BCLAF1: variants seen among roughly 807,000 people sequenced by gnomAD.
BCLAF1 encodes bcl-2-associated transcription factor 1.
BCLAF1 carries 10 observed loss-of-function variants against 99.5 expected under a neutral mutation model. The observed-to-expected ratio is 0.10, with a 90% confidence interval of 0.06 to 0.17. BCLAF1 has a LOEUF of 0.17. Ranked by LOEUF, BCLAF1 falls within the 10% of genes least tolerant of loss-of-function variation. The pLI, the probability that BCLAF1 is intolerant of heterozygous loss-of-function variation, is 1.00. For synonymous variants in BCLAF1, 255 were observed against 370.9 expected (o/e 0.69, Z 3.59); for missense variants, 636 against 1,105.8 (o/e 0.58, Z 6.02).
At chr6:136,275,374 T>A (rs867948479) in intron 6 of BCLAF1, among the ~76,000 whole-genome samples, 158 bp downstream of exon 6, 5 of 152,180 alleles carry the variant, frequency 3.3e-5, no homozygotes, top group Admixed American at 6.6e-5. Flanking sequence ...CTAGCAAGAC[T>A]AGGGACTCTC....
At chr6:136,271,742 C>A (rs994021330) in intron 8 of BCLAF1, among the ~76,000 whole-genome samples, 1 of 151,672 alleles carries the variant, frequency 6.6e-6, no homozygotes, top group African/African-American at 2.4e-5. Flanking sequence ...TGATTCTTTA[C>A]ACTTTTCTTA....
intron 8 of BCLAF1, among the ~76,000 whole-genome samples, chr6:136,270,892 A>T (rs2128474517): frequency 6.6e-6 from 1 of 151,946 alleles, no homozygotes; most frequent in East Asian, 1.9e-4. Flanking sequence ...AACCCAAGAT[A>T]TTATTTAAGT....
intron 4 of BCLAF1, among the ~76,000 whole-genome samples, chr6:136,277,635 T>C (rs2128482318): frequency 6.6e-6 from 1 of 152,256 alleles, no homozygotes; most frequent in African/African-American, 2.4e-5. Flanking sequence ...CAAGAGATCC[T>C]CCCGCCTCAG....
rs1470236845 is a variant in BCLAF1, at chr6:136,260,103, TA to T, written c.*1006del. On this transcript the variant is annotated 3_prime_UTR_variant, in exon 13 of 13. Coordinates refer to ENST00000531224, the MANE Select transcript of BCLAF1 (RefSeq NM_014739.3). ...AAAAACAATTTTTTTAAAATACTATTAATGAACAGTATGCTGTGTTTCTCTA... is the reference window on the plus strand; with the variant it reads ...AAAAACAATTTTTTTAAAATACTATTATGAACAGTATGCTGTGTTTCTCTA... 5 of 152,054 alleles carry T rather than the reference TA, an allele frequency of 3.3e-5. No homozygotes were observed. The highest frequency in any genetic ancestry group is 5.9e-5 in the Non-Finnish European group (4 of 67,920). The allele number at this position is 152,054 out of a possible 1,614,324, so 9.4% of individuals were successfully genotyped here.
At chr6:136,287,812 C>T (rs1460060873) in intron 1 of BCLAF1, among the ~76,000 whole-genome samples, 1 of 152,208 alleles carries the variant, frequency 6.6e-6, no homozygotes, top group Non-Finnish European at 1.5e-5. Context: ...AGTGGATCAC[C>T]TGAGGTCAGG....
intron 10 of BCLAF1, among the ~76,000 whole-genome samples, chr6:136,267,927 T>G (rs1056732002): frequency 1.3e-5 from 2 of 151,924 alleles, no homozygotes; most frequent in Admixed American, 6.6e-5. Flanking sequence ...CTAGGTACAG[T>G]TATTGATCTC....
chr6:136,284,999 A>C (rs893448651), intron 1 of BCLAF1, among the ~76,000 whole-genome samples: 1 of 152,168 alleles, frequency 6.6e-6, no homozygotes, highest in African/African-American at 2.4e-5. Flanking sequence ...ACACAAACTT[A>C]GCAAATTCAG....
At position 136,260,854 on chromosome 6, in the gene BCLAF1, C is replaced by T; in HGVS notation, c.*256G>A. On this transcript the variant is annotated 3_prime_UTR_variant, in exon 13 of 13. Coordinates refer to ENST00000531224, the MANE Select transcript of BCLAF1 (RefSeq NM_014739.3). Reference sequence around the variant, plus strand: ...CAAAGCAGAATTACAATGCATGTAACAAAAACGTTAAAAGTTTTAAAAGTT... The same window carrying T: ...CAAAGCAGAATTACAATGCATGTAATAAAAACGTTAAAAGTTTTAAAAGTT... The T allele has an allele frequency of 4.2e-6, 2 of 475,012 alleles. No individual in the cohort carries two copies. Among genetic ancestry groups the T allele is most frequent in the Non-Finnish European group, 7.5e-6 (2 of 267,778 alleles). 29.4% of individuals were successfully genotyped at this position (475,012 alleles called of 1,614,324 possible). A position where few individuals can be genotyped will look rare whatever the true frequency, so the allele number is the denominator to read the frequency against.
At chr6:136,280,809 T>TAATG (rs3038724) in intron 2 of BCLAF1, among the ~76,000 whole-genome samples, 6,359 of 152,230 alleles carry the variant, frequency 0.042, 291 homozygotes, top group African/African-American at 0.11. Flanking sequence ...TTTCAATGAT[T>TAATG]AGATTATATC....
chr6:136,274,110 G>C, intron 6 of BCLAF1: 1 of 1,288,638 alleles, frequency 7.8e-7, no homozygotes, highest in Non-Finnish European at 1.0e-6. Context: ...GAAGACAGAA[G>C]ATTCAACTTT....
At chr6:136,276,604 C>A in intron 4 of BCLAF1, 96 bp from the exon 5 acceptor site, 1 of 1,389,680 alleles carries the variant, frequency 7.2e-7, no homozygotes, top group Non-Finnish European at 9.5e-7. Flanking sequence ...TCAGGACCAG[C>A]AAGAGAGAAA....
chr6:136,281,886 C>G (rs1355829489), intron 2 of BCLAF1, among the ~76,000 whole-genome samples: 3 of 152,156 alleles, frequency 2.0e-5, no homozygotes, highest in African/African-American at 7.2e-5. Flanking sequence ...TTCCCCAGAA[C>G]CTGGACATTT....
rs537501839 is a variant in BCLAF1 at position 136,258,523 on chromosome 6, A to G, written c.*2587T>C. 6.8e-4 allele frequency: 103 copies of G among 152,580 alleles called. No homozygotes were observed. The highest frequency in any genetic ancestry group is 1.1e-3 in the Non-Finnish European group (75 of 67,944). 9.5% of individuals were successfully genotyped at this position (152,580 alleles called of 1,614,324 possible). On this transcript the variant is annotated 3_prime_UTR_variant, in exon 13 of 13. Coordinates refer to ENST00000531224, the MANE Select transcript of BCLAF1 (RefSeq NM_014739.3). ...TAATCTTCCTAACAGATGCGCTGAT[A>G]TTCTAAAATAGGCCACAGAAATAAG...
At chr6:136,275,434 C>T (rs1411374989) in intron 6 of BCLAF1, 98 bp downstream of exon 6, 5 of 1,193,874 alleles carry the variant, frequency 4.2e-6, no homozygotes, top group Non-Finnish European at 5.6e-6. Context: ...TGTATATTTG[C>T]TAGCCCTGGG....
chr6:136,266,652 A>T (rs1320628638), intron 11 of BCLAF1, among the ~76,000 whole-genome samples: 1 of 152,106 alleles, frequency 6.6e-6, no homozygotes, highest in African/African-American at 2.4e-5. Context: ...TCTCCTTTTC[A>T]TTTAAACAAA....
chr6:136,270,739 C>T (rs906874034), intron 8 of BCLAF1, among the ~76,000 whole-genome samples: 3 of 151,792 alleles, frequency 2.0e-5, no homozygotes, highest in Admixed American at 6.6e-5. Context: ...AAACCAATGG[C>T]ATATCCTCTT....
chr6:136,276,124 T>C lies in BCLAF1; in HGVS notation c.1401A>G (p.Val467=), dbSNP rs1967444. 4.4e-3 allele frequency: 6,950 copies of C among 1,597,022 alleles called. No homozygotes were observed. In the African/African-American group the frequency reaches 0.07, roughly 16 times the overall value. Reference sequence around the variant, plus strand: ...CTTTTGTAGTGCTAGGCCTTTCCACTACATATCCAGTCTCTTTAAGTTTAT... The same window carrying C: ...CTTTTGTAGTGCTAGGCCTTTCCACCACATATCCAGTCTCTTTAAGTTTAT... ...KNYKLKETGY[V]VERPSTTKDK... is the part of the protein sequence containing the mutation. The change falls in exon 5 of 13, where the codon GTA becomes GTG. Residue 467 remains valine, a synonymous_variant. Transcript: ENST00000531224.
At chr6:136,288,072 C>A (rs1190935996) in intron 1 of BCLAF1, among the ~76,000 whole-genome samples, 1 of 152,214 alleles carries the variant, frequency 6.6e-6, no homozygotes, top group South Asian at 2.1e-4. Flanking sequence ...GTACTTTTTA[C>A]ACGTCTGTCT....
Position 136,269,580 on chromosome 6 carries a change from G to C in BCLAF1, c.2076C>G (p.Asp692Glu). 1 of 1,607,102 alleles carries C rather than the reference G, an allele frequency of 6.2e-7. No homozygotes were observed. Among genetic ancestry groups the C allele is most frequent in the Admixed American group, 1.7e-5 (1 of 58,290 alleles). ...TACGGCGATCAATGTCATGCCGAAG[G>C]TCAGCAGAGTCACACCTTAATTTTT... The part of the protein sequence containing the change: ...GDKKLRCDSA[D>E]LRHDIDRRRK... Residue 692 changes from aspartate (D) to glutamate (E), a missense_variant, in exon 9 of 13, where the codon GAC becomes GAG. By Grantham distance (45) the Asp-to-Glu change is conservative. Around this residue, in one of 9 missense-constraint regions of BCLAF1, gnomAD observed 180 missense variants for 270.0 expected, o/e 0.67. Transcript: ENST00000531224.
Sources: gnomAD v4.1 joint callset for allele counts (sites outside exome capture counted in the v4.1 genomes callset) on GRCh38, gnomAD v4.1.1 for gene constraint, gnomAD v4.1.1 regional missense constraint, MANE v1.5 for transcripts, NCBI Gene and HGNC (gene_info 2026-07-23, HGNC 2026-07-21) for gene names.